Variants in LAMA3 observed in about 807,000 individuals in gnomAD.
LAMA3 encodes laminin subunit alpha 3.
In LAMA3, 281 loss-of-function variants were observed where a neutral mutation model predicts 402.0. That is an observed-to-expected ratio of 0.70 (90% CI 0.63 to 0.77). The LOEUF (loss-of-function observed/expected upper bound fraction) is 0.77, where lower values mean the gene tolerates loss of function less well. Ranked by LOEUF, LAMA3 falls within the 30% of genes least tolerant of loss-of-function variation. The pLI, the probability that LAMA3 is intolerant of heterozygous loss-of-function variation, is 0.00. For missense variants in LAMA3, 3,840 were observed against 4,215.5 expected, an observed-to-expected ratio of 0.91 and a Z score of 2.47; for synonymous variants, 1,431 against 1,558.4, an observed-to-expected ratio of 0.92 and a Z score of 1.93.
chr18:23,765,511 T>C (rs575254617), intron 8 of LAMA3, among the ~76,000 whole-genome samples: 1 of 152,194 alleles, frequency 6.6e-6, no homozygotes, highest in Non-Finnish European at 1.5e-5. Flanking sequence ...GCTAATGGAT[T>C]TGGAATCCTT....
At chr18:23,753,879 T>C in intron 6 of LAMA3, 67 bp downstream of exon 6, 1 of 1,022,466 alleles carries the variant, frequency 9.8e-7, no homozygotes, top group Non-Finnish European at 1.5e-6. Flanking sequence ...AGTGGATGTT[T>C]GCATCCCGTT....
intron 44 of LAMA3, among the ~76,000 whole-genome samples, chr18:23,895,911 C>G (rs2080859903): frequency 6.6e-6 from 1 of 152,128 alleles, no homozygotes; most frequent in African/African-American, 2.4e-5. Flanking sequence ...GGCATATAAT[C>G]CTATCAGTTT....
chr18:23,722,948 G>C (rs2145957605), intron 2 of LAMA3, among the ~76,000 whole-genome samples: 1 of 152,272 alleles, frequency 6.6e-6, no homozygotes, highest in South Asian at 2.1e-4. Flanking sequence ...GTGAAAACCA[G>C]AGTTTGGCAT....
intron 59 of LAMA3, 149 bp from the exon 60 acceptor site, chr18:23,916,402 G>C: frequency 1.2e-6 from 1 of 843,348 alleles, no homozygotes; most frequent in Non-Finnish European, 2.0e-6. Flanking sequence ...ACATTTTAAA[G>C]ATGTCTCCTC....
intron 38 of LAMA3, among the ~76,000 whole-genome samples, chr18:23,874,040 A>G (rs964283210): frequency 6.6e-6 from 1 of 152,202 alleles, no homozygotes; most frequent in African/African-American, 2.4e-5. Context: ...CCTCAGAGTC[A>G]CATGATATGT....
intron 6 of LAMA3, among the ~76,000 whole-genome samples, chr18:23,756,600 G>C (rs2061849670): frequency 6.6e-6 from 1 of 152,166 alleles, no homozygotes; most frequent in African/African-American, 2.4e-5. Flanking sequence ...CCTTTGTCAA[G>C]TGAGTTTATC....
At chr18:23,822,865 C>G (rs1183022730) in intron 20 of LAMA3, among the ~76,000 whole-genome samples, 1 of 152,170 alleles carries the variant, frequency 6.6e-6, no homozygotes, top group East Asian at 1.9e-4. Context: ...GCAAACCTGA[C>G]TCAGGGATGA....
chr18:23,874,899 T>C (rs996070452), intron 38 of LAMA3, among the ~76,000 whole-genome samples: 3 of 152,356 alleles, frequency 2.0e-5, no homozygotes, highest in Admixed American at 6.5e-5. Flanking sequence ...GTTTCACTCT[T>C]GTTGTCCAGG....
chr18:23,723,471 G>T (rs192379474), intron 2 of LAMA3, among the ~76,000 whole-genome samples: 18 of 151,800 alleles, frequency 1.2e-4, no homozygotes, highest in Admixed American at 3.9e-4. Context: ...AAACTAGCTA[G>T]ACTGTATGGA....
At chr18:23,886,830 C>T (rs1448445218) in intron 41 of LAMA3, among the ~76,000 whole-genome samples, 1 of 152,128 alleles carries the variant, frequency 6.6e-6, no homozygotes, top group African/African-American at 2.4e-5. Context: ...CAAGGGGTTA[C>T]TAGAACCCAG....
intron 2 of LAMA3, among the ~76,000 whole-genome samples, chr18:23,725,512 T>G (rs1455027032): frequency 1.3e-5 from 2 of 152,164 alleles, no homozygotes; most frequent in Non-Finnish European, 2.9e-5. Flanking sequence ...GGGGTGTGTG[T>G]GCAGAGAGGG....
At chr18:23,906,069 T>G (rs2081239973) in intron 52 of LAMA3, among the ~76,000 whole-genome samples, 1 of 152,294 alleles carries the variant, frequency 6.6e-6, no homozygotes, top group South Asian at 2.1e-4. Flanking sequence ...CGGGCCCAGA[T>G]AATACTTTTT....
chr18:23,768,790 T>C (rs2062132861), intron 8 of LAMA3, among the ~76,000 whole-genome samples: 1 of 152,192 alleles, frequency 6.6e-6, no homozygotes, highest in African/African-American at 2.4e-5. Context: ...ATATACATGA[T>C]GGAATATTAC....
At chr18:23,825,437 A>G (rs575470799) in intron 21 of LAMA3, among the ~76,000 whole-genome samples, 1 of 152,304 alleles carries the variant, frequency 6.6e-6, no homozygotes, top group South Asian at 2.1e-4. Flanking sequence ...ATGTTAGCAA[A>G]TCTTAGGAAA....
intron 43 of LAMA3, 41 bp downstream of exon 43, chr18:23,894,389 G>A: frequency 1.3e-6 from 2 of 1,566,454 alleles, no homozygotes; most frequent in South Asian, 1.1e-5. Flanking sequence ...CCAAGTTGTG[G>A]GGTTTGGTTT....
At chr18:23,705,480 C>G (rs565603850) in intron 1 of LAMA3, among the ~76,000 whole-genome samples, 5 of 150,954 alleles carry the variant, frequency 3.3e-5, no homozygotes, top group African/African-American at 4.9e-5. Flanking sequence ...CACACACACA[C>G]AGACATATAT....
intron 8 of LAMA3, among the ~76,000 whole-genome samples, chr18:23,772,098 G>A (rs1297482282): frequency 6.7e-6 from 1 of 150,124 alleles, no homozygotes; most frequent in Non-Finnish European, 1.5e-5. Context: ...CTGGAGTGCA[G>A]TGGTGTGATT....
chr18:23,768,056 C>G (rs1323666221), intron 8 of LAMA3, among the ~76,000 whole-genome samples: 1 of 151,990 alleles, frequency 6.6e-6, no homozygotes, highest in Non-Finnish European at 1.5e-5. Context: ...AAACACCATT[C>G]TGGACATTGG....
chr18:23,904,766 G>GA, intron 51 of LAMA3, 72 bp downstream of exon 51: 4 of 1,486,606 alleles, frequency 2.7e-6, no homozygotes, highest in Non-Finnish European at 3.7e-6. Context: ...TCTTTCCGTG[G>GA]GCTCCAAGGA....
Sources: gnomAD v4.1 joint callset for allele counts (sites outside exome capture counted in the v4.1 genomes callset) on GRCh38, gnomAD v4.1.1 for gene constraint, MANE v1.5 for transcripts, NCBI Gene and HGNC (gene_info 2026-07-23, HGNC 2026-07-21) for gene names.